SETD2: variants seen among roughly 807,000 people sequenced by gnomAD.
SETD2 encodes the protein SET domain containing 2, histone lysine methyltransferase, also known as histone-lysine N-methyltransferase SETD2.
In SETD2, 31 loss-of-function variants were observed where a neutral mutation model predicts 242.1. The observed-to-expected ratio is 0.13, with a 90% CI of 0.10 to 0.17. The LOEUF (loss-of-function observed/expected upper bound fraction) is 0.17, where lower values mean the gene tolerates loss of function less well. SETD2 is among the 10% of genes least tolerant of loss of function. SETD2 has a pLI of 1.00. For missense variants in SETD2, 2,481 were observed against 3,046.3 expected, an observed-to-expected ratio of 0.81 and a Z score of 4.37; for synonymous variants, 1,006 against 1,066.5, an observed-to-expected ratio of 0.94 and a Z score of 1.11.
intron 15 of SETD2, among the ~76,000 whole-genome samples, chr3:47,050,723 CTTT>C (rs775259096): frequency 7.6e-4 from 51 of 66,870 alleles, no homozygotes; most frequent in South Asian, 6.1e-3. Context: ...TTTCCTCTCT[CTTT>C]TTTTTTTTTT....
intron 3 of SETD2, among the ~76,000 whole-genome samples, chr3:47,118,385 T>C (rs1575806196): frequency 6.6e-6 from 1 of 152,176 alleles, no homozygotes; most frequent in East Asian, 1.9e-4. Context: ...TTTGTCTTCT[T>C]AGTGGCTCCT....
At chr3:47,043,017 C>T (rs2039353220) in intron 16 of SETD2, among the ~76,000 whole-genome samples, 1 of 139,048 alleles carries the variant, frequency 7.2e-6, no homozygotes, top group South Asian at 2.3e-4. Context: ...AAATGGGATA[C>T]AGAAATATCT....
At chr3:47,054,316 GATTTT>G (rs981564817) in intron 15 of SETD2, among the ~76,000 whole-genome samples, 6 of 152,190 alleles carry the variant, frequency 3.9e-5, no homozygotes, top group Admixed American at 2.6e-4. Flanking sequence ...GGAATAAATG[GATTTT>G]ATTTTATAAG....
At chr3:47,163,391 T>TA (rs1305161991) in intron 1 of SETD2, 2 of 151,504 alleles carry the variant, frequency 1.3e-5, no homozygotes, top group African/African-American at 4.9e-5. Context: ...GGGCGACGGG[T>TA]CGAGCTTCCA....
intron 1 of SETD2, among the ~76,000 whole-genome samples, chr3:47,127,984 C>G (rs954441732): frequency 2.7e-5 from 3 of 110,258 alleles, no homozygotes; most frequent in Non-Finnish European, 5.6e-5. Flanking sequence ...GAAAACCTGT[C>G]TCTCTCTCTC....
At chr3:47,046,379 G>T in intron 16 of SETD2, 108 bp downstream of exon 16, 6 of 883,082 alleles carry the variant, frequency 6.8e-6, no homozygotes, top group South Asian at 3.2e-5. Flanking sequence ...AAGAACACGT[G>T]AAAAAAAAAC....
intron 16 of SETD2, among the ~76,000 whole-genome samples, chr3:47,044,764 T>C (rs2107545030): frequency 6.6e-6 from 1 of 152,322 alleles, no homozygotes; most frequent in Non-Finnish European, 1.5e-5. Context: ...GTACAACATG[T>C]ATAGTGAAGT....
rs2044121270 is a variant in SETD2 at position 47,156,104 on chromosome 3, G to GT, written c.71+7749dup. On this transcript the variant is annotated intron_variant, in intron 1 of 20. Transcript: ENST00000409792. ...TTCAGAGAGGCTCCAGCAGAGCCAC[G>GT]TAATAGATTTATGGACAGAGAAGCT... Among the ~76,000 whole-genome samples, 3 of 152,124 alleles carry GT rather than the reference G, an allele frequency of 2.0e-5. No individual in the cohort carries two copies. In the South Asian group the frequency reaches 6.2e-4, roughly 32 times the overall value.
chr3:47,138,417 GTTA>G (rs372275831), intron 1 of SETD2: 173 of 154,000 alleles, frequency 1.1e-3, no homozygotes, highest in African/African-American at 3.8e-3. Context: ...GATTACAGGT[GTTA>G]TTATTATTAT....
intron 5 of SETD2, among the ~76,000 whole-genome samples, chr3:47,106,557 A>G (rs2107699108): frequency 6.7e-6 from 1 of 148,690 alleles, no homozygotes; most frequent in South Asian, 2.1e-4. Context: ...CATGCCTATA[A>G]TCCCAGCACT....
chr3:47,133,254 A>G (rs2043520280), intron 1 of SETD2, among the ~76,000 whole-genome samples: 1 of 152,196 alleles, frequency 6.6e-6, no homozygotes. Context: ...ACAGGGGTCT[A>G]TGTGGTCCAG....
Position 47,123,517 on chromosome 3 carries a change from T to C in SETD2, c.1119A>G (p.Arg373=), listed in dbSNP as rs2106705705. Residue 373 remains arginine (R), a synonymous_variant, in exon 3 of 21, where the codon AGA becomes AGG. Transcript: ENST00000409792. ...LGKPSRSKTD[R]DDKYFSYSKL... ...TTGAATAGCTAAAATATTTATCATC[T>C]CTGTCTGTTTTAGATCGTGAAGGTT... 6.4e-7 allele frequency: 1 copy of C among 1,550,854 alleles called. No individual in the cohort carries two copies. Among genetic ancestry groups the C allele is most frequent in the Non-Finnish European group, 8.7e-7 (1 of 1,146,986 alleles).
chr3:47,138,811 C>CCA (rs1238449974), intron 1 of SETD2, among the ~76,000 whole-genome samples: 1 of 152,162 alleles, frequency 6.6e-6, no homozygotes, highest in Admixed American at 6.5e-5. Flanking sequence ...AGTGATCTGC[C>CCA]CACCTCAGCC....
At chr3:47,090,593 T>C (rs1415917293) in intron 9 of SETD2, among the ~76,000 whole-genome samples, 1 of 152,064 alleles carries the variant, frequency 6.6e-6, no homozygotes. Flanking sequence ...GGTTTCACCA[T>C]GTTAGCCAGG....
intron 3 of SETD2, among the ~76,000 whole-genome samples, chr3:47,118,775 T>C (rs942133859): frequency 6.6e-6 from 1 of 152,078 alleles, no homozygotes; most frequent in African/African-American, 2.4e-5. Context: ...TATATATATA[T>C]ATCTGATTCT....
At chr3:47,099,968 TTTTG>T (rs1198160460) in intron 8 of SETD2, among the ~76,000 whole-genome samples, 2 of 152,154 alleles carry the variant, frequency 1.3e-5, no homozygotes, top group African/African-American at 4.8e-5. Flanking sequence ...TTTTTTGCTT[TTTTG>T]TTTTTGTTTT....
At chr3:47,144,628 C>A (rs1450950182) in intron 1 of SETD2, among the ~76,000 whole-genome samples, 1 of 148,858 alleles carries the variant, frequency 6.7e-6, no homozygotes, top group Non-Finnish European at 1.5e-5. Context: ...GGTGACAGAG[C>A]GAGACTCCGT....
Position 47,016,895 on chromosome 3 carries a change from A to G in SETD2, c.*198T>C. ...TGATGGCTTCTAACCACATGCCAAC[A>G]GCTCACAACTAGGTAATCACTTGTA... On this transcript the variant is annotated 3_prime_UTR_variant, in exon 21 of 21. Coordinates refer to ENST00000409792, the MANE Select transcript of SETD2 (RefSeq NM_014159.7). 1.8e-6 allele frequency: 1 copy of G among 569,200 alleles called. No homozygotes were observed. Among genetic ancestry groups the G allele is most frequent in the Non-Finnish European group, 3.1e-6 (1 of 321,302 alleles). The allele number at this position is 569,200 out of a possible 1,614,324, so 35.3% of individuals were successfully genotyped here. A position where few individuals can be genotyped will look rare whatever the true frequency, so the allele number is the denominator to read the frequency against.
Position 47,057,193 on chromosome 3 carries a change from C to T in SETD2, c.6591G>A (p.Val2197=). ...CATGATCATAAGGAGCAGGAGAACACACTGGGTCCATGCTGGGTGTGGGCA... is the reference window on the plus strand; with the variant it reads ...CATGATCATAAGGAGCAGGAGAACATACTGGGTCCATGCTGGGTGTGGGCA... ...VLLPTPSMDP[V]CSPAPYDHAQ... The change falls in exon 15 of 21, where the codon GTG becomes GTA. Residue 2197 remains valine (V), a synonymous_variant. Transcript: ENST00000409792. 6.2e-7 allele frequency: 1 copy of T among 1,614,178 alleles called. No homozygotes were observed. The highest frequency in any genetic ancestry group is 8.5e-7 in the Non-Finnish European group (1 of 1,180,008).
Sources: gnomAD v4.1 joint callset for allele counts (sites outside exome capture counted in the v4.1 genomes callset) on GRCh38, gnomAD v4.1.1 for gene constraint, MANE v1.5 for transcripts, NCBI Gene and HGNC (gene_info 2026-07-23, HGNC 2026-07-21) for gene names.